Variants in SREK1 observed in about 807,000 individuals in gnomAD.
The protein encoded by SREK1 is splicing regulatory glutamine/lysine-rich protein 1.
A neutral mutation model predicts 66.5 loss-of-function variants in SREK1; 13 were observed. The observed-to-expected ratio is 0.20, with a 90% CI of 0.13 to 0.31. SREK1 has a LOEUF of 0.31. Among genes scored for constraint, SREK1 ranks in the 10% least tolerant of loss-of-function variants. The pLI, the probability that SREK1 is intolerant of heterozygous loss-of-function variation, is 1.00. For missense variants in SREK1, 607 were observed against 769.6 expected (o/e 0.79, Z 2.50); for synonymous variants, 265 against 263.5 (o/e 1.01, Z -0.05).
chr5:66,145,765 T>A (rs1743136179), intron 1 of SREK1, among the ~76,000 whole-genome samples: 1 of 148,436 alleles, frequency 6.7e-6, no homozygotes, highest in South Asian at 2.2e-4. Context: ...TGCTTTTTTG[T>A]CTGCTTTTGA....
intron 10 of SREK1, chr5:66,177,285 G>A: frequency 2.7e-6 from 1 of 372,074 alleles, no homozygotes; most frequent in African/African-American, 2.1e-5. Context: ...AGAACATATG[G>A]TGGCCTCTGC....
chr5:66,160,526 GTGTT>G (rs1208975832), intron 3 of SREK1, among the ~76,000 whole-genome samples: 1 of 152,204 alleles, frequency 6.6e-6, no homozygotes, highest in Non-Finnish European at 1.5e-5. Context: ...AGGGTCATGA[GTGTT>G]TGAGATTGGA....
chr5:66,162,068 G>A (rs1425593760), intron 3 of SREK1, 41 bp from the exon 4 acceptor site: 1 of 1,584,346 alleles, frequency 6.3e-7, no homozygotes, highest in Admixed American at 1.8e-5. Flanking sequence ...GATACTAATA[G>A]AAAATATGTG....
chr5:66,180,156 G>A lies in SREK1; in HGVS notation c.*1288G>A, dbSNP rs1746387575. The A allele has an allele frequency of 1.3e-5, 2 of 152,546 alleles. No individual in the cohort carries two copies. Among genetic ancestry groups the A allele is most frequent in the South Asian group, 4.1e-4 (2 of 4,826 alleles). 9.4% of individuals were successfully genotyped at this position (152,546 alleles called of 1,614,324 possible). ...TTATTGGTTTTATGTTTAAGGATAC[G>A]TTTACTTGAGTTTAAGATACAGGTC... On this transcript the variant is annotated 3_prime_UTR_variant, in exon 12 of 12. Coordinates refer to ENST00000334121, the MANE Select transcript of SREK1 (RefSeq NM_001077199.3).
rs1461419009 is a variant in SREK1, at chr5:66,182,242, C to T, written c.*3374C>T. On this transcript the variant is annotated 3_prime_UTR_variant, in exon 12 of 12. Coordinates refer to ENST00000334121, the MANE Select transcript of SREK1 (RefSeq NM_001077199.3). ...GTATCTGATTTCAACTGGTGCGTTA[C>T]GAAGTAGAGCCATTCCCACAAAGTA... The T allele has an allele frequency of 6.6e-6, 1 of 152,092 alleles. No homozygotes were observed. The highest frequency in any genetic ancestry group is 2.4e-5 in the African/African-American group (1 of 41,426). 9.4% of individuals were successfully genotyped at this position (152,092 alleles called of 1,614,324 possible). A position where few individuals can be genotyped will look rare whatever the true frequency, so the allele number is the denominator to read the frequency against.
intron 2 of SREK1, chr5:66,156,482 G>T (rs769972422): frequency 9.9e-7 from 1 of 1,008,148 alleles, no homozygotes; most frequent in African/African-American, 1.7e-5. Flanking sequence ...CTTAATTTGT[G>T]TGTATGGACT....
At chr5:66,177,734 C>T in intron 11 of SREK1, 76 bp downstream of exon 11, 1 of 1,272,634 alleles carries the variant, frequency 7.9e-7, no homozygotes, top group Non-Finnish European at 1.1e-6. Flanking sequence ...ACTGAAAGCT[C>T]TTTGGGGAAC....
At position 66,182,005 on chromosome 5, in the gene SREK1, C is replaced by T. The variant is rs1580692262; in HGVS notation, c.*3137C>T. 1 of 151,544 alleles carries T rather than the reference C, an allele frequency of 6.6e-6. No individual in the cohort carries two copies. The allele number at this position is 151,544 out of a possible 1,614,324, so 9.4% of individuals were successfully genotyped here. A position where few individuals can be genotyped will look rare whatever the true frequency, so the allele number is the denominator to read the frequency against. On this transcript the variant is annotated 3_prime_UTR_variant, in exon 12 of 12. Coordinates refer to ENST00000334121, the MANE Select transcript of SREK1 (RefSeq NM_001077199.3). ...CTATCTTTATTTTAAAACTTAGAACCCTGATCTAACTCCCTTCTCAAGTGA... is the reference window on the plus strand; with the variant it reads ...CTATCTTTATTTTAAAACTTAGAACTCTGATCTAACTCCCTTCTCAAGTGA...
intron 1 of SREK1, among the ~76,000 whole-genome samples, chr5:66,146,120 T>C (rs1046181628): frequency 1.3e-5 from 2 of 152,180 alleles, no homozygotes; most frequent in African/African-American, 4.8e-5. Flanking sequence ...TTATCTTAAC[T>C]TTTGGAAATG....
chr5:66,146,877 G>T (rs2111911015), intron 1 of SREK1, among the ~76,000 whole-genome samples: 1 of 152,074 alleles, frequency 6.6e-6, no homozygotes, highest in Middle Eastern at 3.4e-3. Flanking sequence ...ATATTTCCAG[G>T]TATATTGGAA....
chr5:66,175,118 A>G (rs945034820), intron 10 of SREK1, 77 bp downstream of exon 10: 22 of 1,203,142 alleles, frequency 1.8e-5, no homozygotes, highest in African/African-American at 3.1e-5. Context: ...TTCTCTCTTT[A>G]TTTTTTAAAC....
At chr5:66,177,965 C>G (rs1420386168) in intron 11 of SREK1, among the ~76,000 whole-genome samples, 1 of 151,970 alleles carries the variant, frequency 6.6e-6, no homozygotes, top group Non-Finnish European at 1.5e-5. Flanking sequence ...TGCCATTTTC[C>G]TCAATTTATG....
chr5:66,176,183 A>G (rs940207623), intron 10 of SREK1, among the ~76,000 whole-genome samples: 3 of 152,012 alleles, frequency 2.0e-5, no homozygotes, highest in African/African-American at 7.2e-5. Flanking sequence ...TAAAAACTCA[A>G]TTTTTCTAAC....
At chr5:66,156,111 G>T in intron 2 of SREK1, 1 of 1,493,544 alleles carries the variant, frequency 6.7e-7, no homozygotes, top group African/African-American at 1.4e-5. Context: ...CCTGAGTTAG[G>T]CATTGTTTGC....
At chr5:66,150,536 A>G (rs1244641566) in intron 1 of SREK1, among the ~76,000 whole-genome samples, 1 of 152,246 alleles carries the variant, frequency 6.6e-6, no homozygotes, top group African/African-American at 2.4e-5. Flanking sequence ...GTGGAGTGAC[A>G]CAATGAAATT....
chr5:66,170,574 TG>T lies in SREK1; in HGVS notation c.1122-10del. On this transcript the variant is annotated splice_polypyrimidine_tract_variant and intron_variant, in intron 8 of 11. Transcript: ENST00000334121. ...TTTTAGTTATGAATTTATTTATTTTTGTTTTTAAAGGGACAAGAGAAAAGAC... is the reference window on the plus strand; with the variant it reads ...TTTTAGTTATGAATTTATTTATTTTTTTTTTAAAGGGACAAGAGAAAAGAC... The T allele has an allele frequency of 6.3e-7, 1 of 1,575,786 alleles. No homozygotes were observed. Among genetic ancestry groups the T allele is most frequent in the Non-Finnish European group, 8.6e-7 (1 of 1,168,572 alleles).
At chr5:66,145,956 A>G (rs991782449) in intron 1 of SREK1, among the ~76,000 whole-genome samples, 2 of 151,764 alleles carry the variant, frequency 1.3e-5, no homozygotes, top group African/African-American at 2.4e-5. Context: ...CTGAGTTTAT[A>G]TAGATGAGAT....
chr5:66,170,823 G>C lies in SREK1; in HGVS notation c.1360G>C (p.Asp454His). 1 of 1,612,936 alleles carries C rather than the reference G, an allele frequency of 6.2e-7. No individual in the cohort carries two copies. The highest frequency in any genetic ancestry group is 1.7e-4 in the Middle Eastern group (1 of 6,060). Residue 454 changes from aspartate to histidine, a missense_variant, in exon 9 of 12, where the codon GAC becomes CAC. Transcript: ENST00000334121. ...AGACAAAGAGAAGGAAAAGGAACAG[G>C]ACAAAGAAAAGGAACGAGAAAAAGA... ...DRDKEKEKEQDKEKEREKDRS... is the reference protein window; with the variant it reads ...DRDKEKEKEQHKEKEREKDRS...
intron 7 of SREK1, 96 bp downstream of exon 7, chr5:66,164,993 A>T: frequency 8.3e-7 from 1 of 1,208,520 alleles, no homozygotes. Flanking sequence ...AGAAGTTAGA[A>T]ATTTTAGTAG....
Sources: gnomAD v4.1 joint callset for allele counts (sites outside exome capture counted in the v4.1 genomes callset) on GRCh38, gnomAD v4.1.1 for gene constraint, MANE v1.5 for transcripts, NCBI Gene and HGNC (gene_info 2026-07-23, HGNC 2026-07-21) for gene names.